The following ASH1L variants were observed in gnomAD, a reference collection of about 807,000 sequenced individuals.
ASH1L encodes the protein ASH1 like histone lysine methyltransferase, also known as histone-lysine N-methyltransferase ASH1L.
In ASH1L, 23 loss-of-function variants were observed where a neutral mutation model predicts 269.0. That is an observed-to-expected ratio of 0.09 (90% confidence interval 0.06 to 0.12). The LOEUF is 0.12. Ranked by LOEUF, ASH1L falls within the 10% of genes least tolerant of loss-of-function variation. The probability of loss-of-function intolerance (pLI) is 1.00; values close to 1 mark genes in which losing one functional copy is unlikely to be tolerated. For missense variants in ASH1L, 2,912 were observed against 3,567.8 expected (o/e 0.82, Z 4.68); for synonymous variants, 1,187 against 1,253.5 (o/e 0.95, Z 1.12).
chr1:155,420,754 G>A (rs540736401), intron 5 of ASH1L, among the ~76,000 whole-genome samples: 1 of 151,724 alleles, frequency 6.6e-6, no homozygotes, highest in East Asian at 1.9e-4. Context: ...GGAGGCTGAG[G>A]CAGGAGAATC....
chr1:155,546,590 T>C (rs1670840379), intron 1 of ASH1L, among the ~76,000 whole-genome samples: 1 of 151,674 alleles, frequency 6.6e-6, no homozygotes, highest in Admixed American at 6.6e-5. Context: ...GAAACCAGTC[T>C]CTACTGAAAA....
intron 3 of ASH1L, among the ~76,000 whole-genome samples, chr1:155,465,046 GGA>G (rs1256447074): frequency 1.3e-5 from 2 of 152,032 alleles, no homozygotes; most frequent in Non-Finnish European, 2.9e-5. Flanking sequence ...CATTTCCACT[GGA>G]GGAACTAAAA....
At chr1:155,560,946 G>GTCT (rs1671919762) in intron 1 of ASH1L, among the ~76,000 whole-genome samples, 1 of 151,686 alleles carries the variant, frequency 6.6e-6, no homozygotes, top group Non-Finnish European at 1.5e-5. Flanking sequence ...AAGCCAACCA[G>GTCT]TCTTATGTGC....
At chr1:155,425,786 C>T (rs1480126164) in intron 5 of ASH1L, among the ~76,000 whole-genome samples, 3 of 152,010 alleles carry the variant, frequency 2.0e-5, no homozygotes, top group Middle Eastern at 3.4e-3. Context: ...ACCACGTTGG[C>T]CAGGCTGGCT....
At chr1:155,411,719 T>C (rs1439621200) in intron 6 of ASH1L, among the ~76,000 whole-genome samples, 1 of 149,290 alleles carries the variant, frequency 6.7e-6, no homozygotes, top group Admixed American at 6.8e-5. Flanking sequence ...AGAATCTCTC[T>C]TTGACCTTCT....
intron 1 of ASH1L, among the ~76,000 whole-genome samples, chr1:155,558,363 G>A (rs1671738932): frequency 6.6e-6 from 1 of 151,972 alleles, no homozygotes; most frequent in Non-Finnish European, 1.5e-5. Context: ...CCCAGCTATT[G>A]GGGAGGCTGA....
chr1:155,335,405 T>C lies in ASH1L; in HGVS notation c.*2255A>G, dbSNP rs1652221318. On this transcript the variant is annotated 3_prime_UTR_variant, in exon 28 of 28. Transcript: ENST00000392403. The stretch of plus-strand genomic sequence containing the variant: ...ATCAAAACAATCATCTATTTAGATA[T>C]GCTTTTGTAAAAAGGAAATATATTA... The C allele has an allele frequency of 1.3e-5, 2 of 152,802 alleles. No individual in the cohort carries two copies. The highest frequency in any genetic ancestry group is 1.3e-4 in the Admixed American group (2 of 15,280). The allele number at this position is 152,802 out of a possible 1,614,324, so 9.5% of individuals were successfully genotyped here.
At position 155,423,156 on chromosome 1, in the gene ASH1L, C is replaced by T. The variant is rs527452094; in HGVS notation, c.5829-7233G>A. On this transcript the variant is annotated intron_variant, in intron 5 of 27. Transcript: ENST00000392403. ...TAGAGACAGTGTTTCGTCATGCTGG[C>T]CAGGCTGATCACAATCTCCTGACCT... Among the ~76,000 whole-genome samples, 360 of 150,404 alleles carry T rather than the reference C, an allele frequency of 2.4e-3. 3 individuals are homozygous for T. The highest frequency in any genetic ancestry group is 2.7e-3 in the Non-Finnish European group (183 of 67,520).
chr1:155,433,091 G>A (rs1661727605), intron 5 of ASH1L: 4 of 1,300,568 alleles, frequency 3.1e-6, no homozygotes, highest in Admixed American at 2.8e-5. Context: ...AAACTGCTAT[G>A]ACAGAGATAC....
Position 155,335,277 on chromosome 1 carries a change from GT to G in ASH1L, c.*2382del, listed in dbSNP as rs1408332854. 6.5e-6 allele frequency: 1 copy of G among 152,712 alleles called. No individual in the cohort carries two copies. Among genetic ancestry groups the G allele is most frequent in the East Asian group, 1.9e-4 (1 of 5,338 alleles). 9.5% of individuals were successfully genotyped at this position (152,712 alleles called of 1,614,324 possible). A position where few individuals can be genotyped will look rare whatever the true frequency, so the allele number is the denominator to read the frequency against. Reference sequence around the variant, plus strand: ...GCTCATCAGTCCACAGTTAGGAAAAGTTTTTTCCATTTAATACTAGACTTTC... The same window carrying G: ...GCTCATCAGTCCACAGTTAGGAAAAGTTTTTCCATTTAATACTAGACTTTC... On this transcript the variant is annotated 3_prime_UTR_variant, in exon 28 of 28. Transcript: ENST00000392403.
chr1:155,527,740 C>A (rs1415608405), intron 1 of ASH1L, among the ~76,000 whole-genome samples: 1 of 151,926 alleles, frequency 6.6e-6, no homozygotes, highest in Non-Finnish European at 1.5e-5. Context: ...GAGACAGGGT[C>A]TCACTAGGTT....
rs998593614 is a variant in ASH1L at position 155,410,322 on chromosome 1, G to A, written c.6008+5422C>T. On this transcript the variant is annotated intron_variant, in intron 6 of 27. Transcript: ENST00000392403. Reference sequence around the variant, plus strand: ...TTATTTTATTTACTTATTTATTTCTGAGACAGAGTTTTGCTCTGTCACCCA... The same window carrying A: ...TTATTTTATTTACTTATTTATTTCTAAGACAGAGTTTTGCTCTGTCACCCA... Among the ~76,000 whole-genome samples the A allele has an allele frequency of 2.0e-5, 3 of 152,050 alleles. No homozygotes were observed. The South Asian group carries it at 6.2e-4, about 32-fold the overall frequency.
rs552795411 is a variant in ASH1L, at chr1:155,417,123, C to G, written c.5829-1200G>C. Among the ~76,000 whole-genome samples, 354 of 151,662 alleles carry G rather than the reference C, an allele frequency of 2.3e-3. 1 individual carries two copies. Among genetic ancestry groups the G allele is most frequent in the African/African-American group, 8.1e-3 (334 of 41,376 alleles). On this transcript the variant is annotated intron_variant, in intron 5 of 27. Transcript: ENST00000392403. ...ATTTTTTTTGTATTTTTAGTACAGA[C>G]AGGGTTTCACCATGCTGTCCAGGAT... is the stretch of plus-strand genomic sequence containing the variant.
chr1:155,469,387 T>A (rs1664925583), intron 3 of ASH1L, among the ~76,000 whole-genome samples: 1 of 152,034 alleles, frequency 6.6e-6, no homozygotes, highest in Non-Finnish European at 1.5e-5. Flanking sequence ...TTCGTCATGT[T>A]GGTAAGGCTG....
intron 3 of ASH1L, among the ~76,000 whole-genome samples, chr1:155,476,503 C>A (rs1428427402): frequency 6.6e-6 from 1 of 151,988 alleles, no homozygotes; most frequent in East Asian, 1.9e-4. Flanking sequence ...AACAAAAACT[C>A]TTTGTATTCG....
chr1:155,400,406 T>C (rs900614726), intron 6 of ASH1L, among the ~76,000 whole-genome samples: 18 of 152,030 alleles, frequency 1.2e-4, no homozygotes, highest in Non-Finnish European at 2.2e-4. Flanking sequence ...GGTCACAATA[T>C]AGTGATTGTG....
chr1:155,462,475 G>A (rs188548174), intron 3 of ASH1L, among the ~76,000 whole-genome samples: 4 of 152,330 alleles, frequency 2.6e-5, no homozygotes, highest in Non-Finnish European at 4.4e-5. Flanking sequence ...AGAGGGTACA[G>A]GCACTTTCTT....
At chr1:155,396,072 T>C (rs1402285824) in intron 6 of ASH1L, 3 of 152,236 alleles carry the variant, frequency 2.0e-5, no homozygotes, top group African/African-American at 7.2e-5. Context: ...CAACATCTAC[T>C]CACTATATTA....
intron 2 of ASH1L, among the ~76,000 whole-genome samples, chr1:155,515,341 T>G (rs945231815): frequency 6.6e-6 from 1 of 152,146 alleles, no homozygotes; most frequent in African/African-American, 2.4e-5. Context: ...CTCAACAATT[T>G]TTTGCAGGGA....
Sources: allele counts gnomAD v4.1 joint callset (sites outside exome capture counted in the v4.1 genomes callset), GRCh38; gene constraint gnomAD v4.1.1; transcripts MANE v1.5; gene names NCBI Gene and HGNC (gene_info 2026-07-23, HGNC 2026-07-21).